The following ROBO1 variants were observed in gnomAD, a reference collection of about 807,000 sequenced individuals.
ROBO1 encodes roundabout homolog 1.
A neutral mutation model predicts 195.9 loss-of-function variants in ROBO1; 149 were observed. That is an observed-to-expected ratio of 0.76 (90% confidence interval 0.67 to 0.87). The LOEUF (loss-of-function observed/expected upper bound fraction) is 0.87. Among genes scored for constraint, ROBO1 ranks in the 40% least tolerant of loss-of-function variants. The pLI is 0.00. For missense variants in ROBO1, 1,933 were observed against 2,068.3 expected (o/e 0.93, Z 1.27); for synonymous variants, 816 against 733.2 (o/e 1.11, Z -1.82).
At chr3:79,265,344 G>A (rs1187441285) in intron 2 of ROBO1, among the ~76,000 whole-genome samples, 1 of 150,958 alleles carries the variant, frequency 6.6e-6, no homozygotes, top group Non-Finnish European at 1.5e-5. Context: ...GCAAATGGTA[G>A]TTCCTTATTC....
chr3:79,304,978 C>T (rs150789901), intron 2 of ROBO1, among the ~76,000 whole-genome samples: 13 of 152,240 alleles, frequency 8.5e-5, no homozygotes, highest in Admixed American at 1.3e-4. Context: ...GAAGTGTATG[C>T]GAGTTCCATT....
At chr3:78,926,491 G>T (rs137967786) in intron 4 of ROBO1, among the ~76,000 whole-genome samples, 1 of 152,126 alleles carries the variant, frequency 6.6e-6, no homozygotes, top group Non-Finnish European at 1.5e-5. Context: ...AGAATCAATC[G>T]CAGGTTTCTG....
At chr3:79,612,755 T>C (rs1469651057) in intron 1 of ROBO1, among the ~76,000 whole-genome samples, 1 of 104,184 alleles carries the variant, frequency 9.6e-6, no homozygotes, top group Non-Finnish European at 2.0e-5. Context: ...CATTGTGGTT[T>C]TGATTTGCAT....
intron 2 of ROBO1, among the ~76,000 whole-genome samples, chr3:79,170,509 T>C (rs1252633943): frequency 1.3e-5 from 2 of 152,174 alleles, no homozygotes; most frequent in Admixed American, 1.3e-4. Context: ...GGAAAATATG[T>C]GAAATGTTCA....
chr3:79,629,397 T>C (rs1388054657), intron 1 of ROBO1, among the ~76,000 whole-genome samples: 1 of 152,052 alleles, frequency 6.6e-6, no homozygotes, highest in Admixed American at 6.6e-5. Flanking sequence ...TGCTCCTAAA[T>C]GATTTTTGGG....
At chr3:79,306,279 A>G (rs2033213845) in intron 2 of ROBO1, among the ~76,000 whole-genome samples, 1 of 152,240 alleles carries the variant, frequency 6.6e-6, no homozygotes. Context: ...GGAAGAAGAT[A>G]GGTGATAAAG....
At position 78,867,138 on chromosome 3, in the gene ROBO1, T is replaced by A. The variant is rs1287994869; in HGVS notation, c.499+71463A>T. 3.3e-5 allele frequency among the ~76,000 whole-genome samples: 5 copies of A among 152,324 alleles called. No homozygotes were observed. In the East Asian group the frequency reaches 5.8e-4, roughly 18 times the overall value. On this transcript the variant is annotated intron_variant, in intron 4 of 30. Transcript: ENST00000464233. ...TTTCATTAAGGAAATTCGTTGCCCTTAACTTGAATATTTGAAGGGATCGTT... is the reference window on the plus strand; with the variant it reads ...TTTCATTAAGGAAATTCGTTGCCCTAAACTTGAATATTTGAAGGGATCGTT...
chr3:79,019,107 G>A (rs2078038080), intron 3 of ROBO1: 1 of 987,394 alleles, frequency 1.0e-6, no homozygotes, highest in Non-Finnish European at 1.2e-6. Flanking sequence ...CCATCACTTG[G>A]GGGATGCGGA....
At chr3:78,664,836 T>C (rs1158221349) in intron 14 of ROBO1, among the ~76,000 whole-genome samples, 2 of 152,190 alleles carry the variant, frequency 1.3e-5, no homozygotes, top group Admixed American at 6.5e-5. Flanking sequence ...TCCAGTGAAA[T>C]ATTTTTGCAG....
At chr3:79,183,217 A>G (rs1189397244) in intron 2 of ROBO1, among the ~76,000 whole-genome samples, 1 of 152,104 alleles carries the variant, frequency 6.6e-6, no homozygotes, top group Non-Finnish European at 1.5e-5. Flanking sequence ...GGTTCCACAA[A>G]TTTTATAAGA....
intron 2 of ROBO1, among the ~76,000 whole-genome samples, chr3:79,308,809 T>C (rs1048958245): frequency 6.6e-6 from 1 of 152,192 alleles, no homozygotes; most frequent in African/African-American, 2.4e-5. Flanking sequence ...AAAAATGAAA[T>C]TCCATAGCTA....
At chr3:79,306,236 T>C (rs1476082673) in intron 2 of ROBO1, among the ~76,000 whole-genome samples, 1 of 152,222 alleles carries the variant, frequency 6.6e-6, no homozygotes, top group African/African-American at 2.4e-5. Flanking sequence ...AAAGTTCTAC[T>C]ACATACAGTC....
chr3:79,406,966 T>C (rs2037573353), intron 2 of ROBO1, among the ~76,000 whole-genome samples: 1 of 152,176 alleles, frequency 6.6e-6, no homozygotes, highest in Non-Finnish European at 1.5e-5. Flanking sequence ...TTGCCCAGAC[T>C]AGAGTACAGT....
At chr3:78,847,735 A>C (rs2033765187) in intron 4 of ROBO1, among the ~76,000 whole-genome samples, 1 of 152,166 alleles carries the variant, frequency 6.6e-6, no homozygotes, top group South Asian at 2.1e-4. Context: ...AATTTGCTAA[A>C]GCCACATAAC....
intron 4 of ROBO1, among the ~76,000 whole-genome samples, chr3:78,861,280 T>G (rs1165889856): frequency 6.6e-6 from 1 of 152,136 alleles, no homozygotes; most frequent in East Asian, 1.9e-4. Context: ...ACATTTACCT[T>G]TCTGCACATT....
chr3:79,367,203 T>C (rs1247762281), intron 2 of ROBO1, among the ~76,000 whole-genome samples: 1 of 152,184 alleles, frequency 6.6e-6, no homozygotes, highest in Non-Finnish European at 1.5e-5. Flanking sequence ...ATACATAGTA[T>C]GTTATTTTTT....
intron 3 of ROBO1, among the ~76,000 whole-genome samples, chr3:79,026,559 T>G (rs549634189): frequency 4.6e-5 from 7 of 152,096 alleles, no homozygotes; most frequent in Non-Finnish European, 1.0e-4. Flanking sequence ...TCATGTTTCT[T>G]TTAACTCTAA....
chr3:79,018,860 G>T, intron 3 of ROBO1: 1 of 1,005,250 alleles, frequency 9.9e-7, no homozygotes, highest in South Asian at 4.3e-5. Flanking sequence ...GCGCGGCGGC[G>T]GCGGCAAAGT....
chr3:78,961,797 T>A (rs1013551181), intron 3 of ROBO1, among the ~76,000 whole-genome samples: 1 of 152,318 alleles, frequency 6.6e-6, no homozygotes, highest in South Asian at 2.1e-4. Flanking sequence ...CCATAATTTT[T>A]TTTTAAGTCC....
Sources: allele counts gnomAD v4.1 joint callset (sites outside exome capture counted in the v4.1 genomes callset), GRCh38; gene constraint gnomAD v4.1.1; transcripts MANE v1.5; gene names NCBI Gene and HGNC (gene_info 2026-07-23, HGNC 2026-07-21).